RPAP2: variants seen among roughly 807,000 people sequenced by gnomAD.
RPAP2 encodes the protein putative RNA polymerase II subunit B1 CTD phosphatase RPAP2.
Under a neutral mutation model 73.1 loss-of-function variants are expected in RPAP2, and 52 were observed. That is an observed-to-expected ratio of 0.71 (90% CI 0.57 to 0.90). The LOEUF is 0.90. Among genes scored for constraint, RPAP2 ranks in the 40% least tolerant of loss-of-function variants. The pLI is 0.00. For synonymous variants in RPAP2, 225 were observed against 242.1 expected (o/e 0.93, Z 0.65); for missense variants, 598 against 701.8 (o/e 0.85, Z 1.67).
intron 8 of RPAP2, among the ~76,000 whole-genome samples, chr1:92,327,264 T>G (rs1652689629): frequency 6.6e-6 from 1 of 152,202 alleles, no homozygotes; most frequent in African/African-American, 2.4e-5. Flanking sequence ...AGTACTGAAG[T>G]CCCCCACTAT....
intron 12 of RPAP2, among the ~76,000 whole-genome samples, chr1:92,382,015 C>T (rs1281613731): frequency 4.7e-5 from 7 of 148,444 alleles, no homozygotes; most frequent in South Asian, 4.4e-4. Context: ...TGAGAACATG[C>T]GGTGTTTGGT....
chr1:92,350,317 ACT>A (rs1243162638), intron 11 of RPAP2, among the ~76,000 whole-genome samples: 4 of 152,160 alleles, frequency 2.6e-5, no homozygotes, highest in African/African-American at 9.7e-5. Flanking sequence ...ACAATTAAAG[ACT>A]CTCAAGCACT....
intron 12 of RPAP2, among the ~76,000 whole-genome samples, chr1:92,386,710 G>A (rs1210345010): frequency 6.6e-6 from 1 of 151,648 alleles, no homozygotes; most frequent in Admixed American, 6.6e-5. Context: ...TGTTTTTTGG[G>A]TTTTTTTTGA....
intron 11 of RPAP2, among the ~76,000 whole-genome samples, chr1:92,352,096 C>G (rs1311317434): frequency 1.3e-5 from 2 of 152,124 alleles, no homozygotes; most frequent in African/African-American, 4.8e-5. Flanking sequence ...CCTTGATGTT[C>G]TCTAATGGAA....
intron 11 of RPAP2, among the ~76,000 whole-genome samples, chr1:92,348,421 T>G (rs1353079886): frequency 6.6e-6 from 1 of 152,154 alleles, no homozygotes; most frequent in Admixed American, 6.5e-5. Context: ...GTTTCCTAGG[T>G]TTTTGCCTTT....
chr1:92,325,148 AC>A lies in RPAP2; in HGVS notation c.1455+776del, dbSNP rs780049423. On this transcript the variant is annotated intron_variant, in intron 8 of 12. Transcript: ENST00000610020. ...GAGAGCATCTTTTAGTATTTCTACTACCCATCTTTGATTGATGTATACTCCC... is the reference window on the plus strand; with the variant it reads ...GAGAGCATCTTTTAGTATTTCTACTACCATCTTTGATTGATGTATACTCCC... 6.6e-5 allele frequency among the ~76,000 whole-genome samples: 10 copies of A among 152,158 alleles called. No individual in the cohort carries two copies. The East Asian group carries it at 1.3e-3, about 20-fold the overall frequency.
intron 3 of RPAP2, among the ~76,000 whole-genome samples, chr1:92,302,687 C>T (rs921816208): frequency 2.1e-5 from 3 of 143,588 alleles, no homozygotes; most frequent in African/African-American, 5.1e-5. Context: ...CTGCAAGCTC[C>T]GCCTCCCGTG....
Position 92,324,369 on chromosome 1 carries a change from A to G in RPAP2, c.1449A>G (p.Ser483=). 1.2e-6 allele frequency: 2 copies of G among 1,611,168 alleles called. No homozygotes were observed. Among genetic ancestry groups the G allele is most frequent in the Non-Finnish European group, 8.5e-7 (1 of 1,178,142 alleles). The change falls in exon 8 of 13, where the codon TCA becomes TCG. Residue 483 remains serine (S), a synonymous_variant. Transcript: ENST00000610020. The part of the protein sequence containing the change: ...LGEETTKSQD[S]EEHDSTFPLI... ...AAGAAACCACCAAATCACAAGACTC[A>G]GAAGAGGTATGTCTTACAGACATTG...
intron 11 of RPAP2, among the ~76,000 whole-genome samples, chr1:92,359,329 T>A (rs1654627372): frequency 6.6e-6 from 1 of 152,226 alleles, no homozygotes; most frequent in South Asian, 2.1e-4. Flanking sequence ...ATTTATTTAT[T>A]TATTTATGAG....
Position 92,390,418 on chromosome 1 carries a change from C to T in RPAP2, c.*3407C>T, listed in dbSNP as rs1419991475. ...AAGCACTAAAATGGACAGGAACAAC[C>T]AGTACCAGCCACTGCAAAAACATGC... On this transcript the variant is annotated 3_prime_UTR_variant, in exon 13 of 13. Coordinates refer to ENST00000610020, the MANE Select transcript of RPAP2 (RefSeq NM_024813.3). The T allele has an allele frequency of 6.6e-6, 1 of 152,166 alleles. No homozygotes were observed. The highest frequency in any genetic ancestry group is 1.9e-4 in the East Asian group (1 of 5,196). The allele number at this position is 152,166 out of a possible 1,614,324, so 9.4% of individuals were successfully genotyped here. A position where few individuals can be genotyped will look rare whatever the true frequency, so the allele number is the denominator to read the frequency against.
At chr1:92,340,827 A>G (rs1653554722) in intron 10 of RPAP2, among the ~76,000 whole-genome samples, 1 of 152,112 alleles carries the variant, frequency 6.6e-6, no homozygotes, top group African/African-American at 2.4e-5. Context: ...TCGTAGTGTA[A>G]AGCAGTTTCC....
intron 7 of RPAP2, among the ~76,000 whole-genome samples, chr1:92,323,044 TTATATTTATATATATACTTTATATA>T (rs942885272): frequency 6.9e-6 from 1 of 145,344 alleles, no homozygotes; most frequent in African/African-American, 2.5e-5. Flanking sequence ...TTATATATCT[TTATATTTATATATATACTTTATATA>T]TATATTTATA....
At position 92,314,861 on chromosome 1, in the gene RPAP2, A is replaced by G. The variant is rs948167120; in HGVS notation, c.489-5738A>G. On this transcript the variant is annotated intron_variant, in intron 6 of 12. Coordinates refer to ENST00000610020, the MANE Select transcript of RPAP2 (RefSeq NM_024813.3). ...GGAGTTTGAGACCAGCCTGGCCAACATGGCAAAACCCCGTCTCTACTAAAA... is the reference window on the plus strand; with the variant it reads ...GGAGTTTGAGACCAGCCTGGCCAACGTGGCAAAACCCCGTCTCTACTAAAA... Among the ~76,000 whole-genome samples the G allele has an allele frequency of 7.2e-5, 11 of 152,194 alleles. 1 individual carries two copies. The South Asian group carries it at 2.1e-3, about 29-fold the overall frequency.
intron 8 of RPAP2, among the ~76,000 whole-genome samples, chr1:92,326,658 G>C (rs1164271172): frequency 1.3e-5 from 2 of 152,176 alleles, no homozygotes; most frequent in Admixed American, 1.3e-4. Context: ...ATGGGAGTGT[G>C]GTTCCCAGGT....
chr1:92,339,850 G>C (rs1428705857), intron 10 of RPAP2, among the ~76,000 whole-genome samples: 1 of 151,668 alleles, frequency 6.6e-6, no homozygotes, highest in East Asian at 1.9e-4. Flanking sequence ...CTATTTTCTG[G>C]CTCTAAGTCC....
intron 12 of RPAP2, among the ~76,000 whole-genome samples, chr1:92,381,762 AT>A (rs56860879): frequency 2.1e-4 from 32 of 151,178 alleles, no homozygotes; most frequent in South Asian, 6.3e-4. Flanking sequence ...TTATTTTATT[AT>A]TTTTTTTAAT....
intron 11 of RPAP2, among the ~76,000 whole-genome samples, chr1:92,380,002 G>GTAAT (rs1422818936): frequency 1.3e-5 from 2 of 151,550 alleles, no homozygotes; most frequent in Non-Finnish European, 2.9e-5. Flanking sequence ...GCTCACGCCT[G>GTAAT]TAATCCTAAC....
At chr1:92,368,393 A>G (rs542913628) in intron 11 of RPAP2, among the ~76,000 whole-genome samples, 1 of 152,166 alleles carries the variant, frequency 6.6e-6, no homozygotes, top group South Asian at 2.1e-4. Context: ...AAAGAAAAAA[A>G]TCCAAGTTCG....
chr1:92,327,917 T>C (rs1001606954), intron 8 of RPAP2, among the ~76,000 whole-genome samples: 3 of 152,222 alleles, frequency 2.0e-5, no homozygotes, highest in Non-Finnish European at 4.4e-5. Context: ...TTATGAACCT[T>C]AGTTTCGCTG....
Sources: gnomAD v4.1 joint callset for allele counts (sites outside exome capture counted in the v4.1 genomes callset) on GRCh38, gnomAD v4.1.1 for gene constraint, MANE v1.5 for transcripts, NCBI Gene and HGNC (gene_info 2026-07-23, HGNC 2026-07-21) for gene names.